SNAP23: variants seen among roughly 807,000 people sequenced by gnomAD.
SNAP23 encodes the protein synaptosome associated protein 23, also known as synaptosomal-associated protein 23.
SNAP23 carries 11 observed loss-of-function variants against 29.0 expected under a neutral mutation model. The observed-to-expected ratio is 0.38, with a 90% CI of 0.24 to 0.63. The LOEUF is 0.63. Ranked by LOEUF, SNAP23 falls within the 20% of genes least tolerant of loss-of-function variation. The pLI, the probability that SNAP23 is intolerant of heterozygous loss-of-function variation, is 0.58. For missense variants in SNAP23, 220 were observed against 253.9 expected, an observed-to-expected ratio of 0.87 and a Z score of 0.91; for synonymous variants, 60 against 82.9, an observed-to-expected ratio of 0.72 and a Z score of 1.50.
At chr15:42,530,034 TAGTA>T (rs1259955497) in intron 7 of SNAP23, among the ~76,000 whole-genome samples, 1 of 152,226 alleles carries the variant, frequency 6.6e-6, no homozygotes, top group African/African-American at 2.4e-5. Flanking sequence ...TTTTGGAATA[TAGTA>T]GTTTTACTTA....
intron 5 of SNAP23, among the ~76,000 whole-genome samples, chr15:42,519,199 T>G (rs907094571): frequency 1.3e-5 from 2 of 151,468 alleles, no homozygotes; most frequent in Admixed American, 6.6e-5. Context: ...GGATTACTGG[T>G]GCCTGCCACC....
At chr15:42,524,514 A>G (rs2057479213) in intron 5 of SNAP23, among the ~76,000 whole-genome samples, 1 of 152,162 alleles carries the variant, frequency 6.6e-6, no homozygotes, top group South Asian at 2.1e-4. Context: ...CAAGAACCCT[A>G]TTGTGAACTG....
chr15:42,506,674 A>C (rs1304609687), intron 1 of SNAP23, among the ~76,000 whole-genome samples: 1 of 152,228 alleles, frequency 6.6e-6, no homozygotes, highest in East Asian at 1.9e-4. Flanking sequence ...TGTAGAAGAG[A>C]TAAAATTTCA....
chr15:42,501,642 C>T (rs191638949), intron 1 of SNAP23, among the ~76,000 whole-genome samples: 2 of 152,262 alleles, frequency 1.3e-5, no homozygotes, highest in Admixed American at 1.3e-4. Context: ...AAACTCCTGG[C>T]TTTAAGCAAT....
At chr15:42,520,927 G>T (rs1001160474) in intron 5 of SNAP23, among the ~76,000 whole-genome samples, 1 of 152,204 alleles carries the variant, frequency 6.6e-6, no homozygotes, top group Non-Finnish European at 1.5e-5. Flanking sequence ...GGCACTACAG[G>T]TTTACTGCTA....
intron 5 of SNAP23, among the ~76,000 whole-genome samples, chr15:42,519,078 G>A (rs1319694245): frequency 1.1e-4 from 16 of 144,936 alleles, no homozygotes; most frequent in East Asian, 8.1e-4. Flanking sequence ...TTTTTGAGAC[G>A]GAGTCTCACT....
rs553571894 is a variant in SNAP23, at chr15:42,496,326, AG to A, written c.-15+615del. ...AAACGTAAAGACATAAAAGTGGGAGAGGAAAAAAAAGTCAAGAAGGGAGTAT... is the reference window on the plus strand; with the variant it reads ...AAACGTAAAGACATAAAAGTGGGAGAGAAAAAAAAGTCAAGAAGGGAGTAT... On this transcript the variant is annotated intron_variant, in intron 1 of 7. Coordinates refer to ENST00000249647, the MANE Select transcript of SNAP23 (RefSeq NM_003825.4). 3.4e-4 allele frequency among the ~76,000 whole-genome samples: 52 copies of A among 152,254 alleles called. 2 individuals carry two copies. In the South Asian group the frequency reaches 0.011, roughly 32 times the overall value.
At chr15:42,526,226 A>G (rs918363287) in intron 5 of SNAP23, among the ~76,000 whole-genome samples, 9 of 152,222 alleles carry the variant, frequency 5.9e-5, no homozygotes, top group African/African-American at 2.2e-4. Flanking sequence ...CTGCTCTAGA[A>G]TTTTGCCTGG....
At chr15:42,527,530 C>A (rs1284923779) in intron 5 of SNAP23, among the ~76,000 whole-genome samples, 1 of 152,014 alleles carries the variant, frequency 6.6e-6, no homozygotes, top group African/African-American at 2.4e-5. Flanking sequence ...GGACCACAGG[C>A]GTGTGCCACC....
upstream of SNAP23, among the ~76,000 whole-genome samples, chr15:42,492,202 C>T (rs964261078): frequency 1.3e-5 from 2 of 152,080 alleles, no homozygotes; most frequent in East Asian, 1.9e-4. Context: ...TGAGCCACCG[C>T]GCCCGGCCGC....
At chr15:42,524,128 G>A (rs995158147) in intron 5 of SNAP23, among the ~76,000 whole-genome samples, 1 of 151,608 alleles carries the variant, frequency 6.6e-6, no homozygotes, top group African/African-American at 2.4e-5. Flanking sequence ...TTTTTGTTTT[G>A]TTTTAATCCT....
At position 42,529,806 on chromosome 15, in the gene SNAP23, G is replaced by T. The variant is rs1387903833; in HGVS notation, c.557G>T (p.Arg186Leu). The part of the protein sequence containing the change: ...EIDAQNPQIK[R>L]ITDKADTNRD... ...GATGCTCAAAATCCACAAATAAAACGAATCACAGACAAGGTAAAAGCTTTT... is the reference window on the plus strand; with the variant it reads ...GATGCTCAAAATCCACAAATAAAACTAATCACAGACAAGGTAAAAGCTTTT... The change falls in exon 7 of 8, where the codon CGA becomes CTA. Residue 186 changes from arginine (R) to leucine (L), a missense_variant. Coordinates refer to ENST00000249647, the MANE Select transcript of SNAP23 (RefSeq NM_003825.4). 2.5e-6 allele frequency: 4 copies of T among 1,611,694 alleles called. No homozygotes were observed. Among genetic ancestry groups the T allele is most frequent in the South Asian group, 2.2e-5 (2 of 90,678 alleles).
chr15:42,523,285 C>G (rs771858316), intron 5 of SNAP23, among the ~76,000 whole-genome samples: 1 of 151,966 alleles, frequency 6.6e-6, no homozygotes. Context: ...TAAAATTTAT[C>G]ACAAATTTAC....
At chr15:42,503,843 T>G (rs898184937) in intron 1 of SNAP23, among the ~76,000 whole-genome samples, 3 of 152,180 alleles carry the variant, frequency 2.0e-5, no homozygotes, top group Admixed American at 2.0e-4. Context: ...TGTGATGTAC[T>G]TAGTATATTT....
intron 5 of SNAP23, chr15:42,521,652 G>A: frequency 2.1e-6 from 3 of 1,450,888 alleles, no homozygotes; most frequent in East Asian, 4.9e-5. Context: ...CTGATCAAAG[G>A]GAACTTTAAG....
chr15:42,500,302 T>C (rs1157262526), intron 1 of SNAP23, among the ~76,000 whole-genome samples: 1 of 152,040 alleles, frequency 6.6e-6, no homozygotes, highest in Non-Finnish European at 1.5e-5. Flanking sequence ...CCAAGAGTGC[T>C]GAACTTTTTA....
intron 4 of SNAP23, among the ~76,000 whole-genome samples, chr15:42,514,760 T>C (rs967895008): frequency 6.6e-6 from 1 of 150,388 alleles, no homozygotes; most frequent in Non-Finnish European, 1.5e-5. Context: ...TGGAGTTCAG[T>C]GGTGCAATCG....
chr15:42,493,636 G>A (rs1027304127), upstream of SNAP23, among the ~76,000 whole-genome samples: 4 of 151,916 alleles, frequency 2.6e-5, no homozygotes, highest in Non-Finnish European at 4.4e-5. Context: ...TTACACAGGA[G>A]GGCAGAAAAT....
intron 3 of SNAP23, 131 bp downstream of exon 3, chr15:42,513,127 T>G: frequency 1.3e-6 from 1 of 799,936 alleles, no homozygotes; most frequent in Non-Finnish European, 2.2e-6. Context: ...GTTGCTGAAA[T>G]GTCAAACCAT....
Sources: allele counts gnomAD v4.1 joint callset (sites outside exome capture counted in the v4.1 genomes callset), GRCh38; gene constraint gnomAD v4.1.1; transcripts MANE v1.5; gene names NCBI Gene and HGNC (gene_info 2026-07-23, HGNC 2026-07-21).